The following DENND1B variants were observed in gnomAD, a reference collection of about 807,000 sequenced individuals.
DENND1B encodes DENN domain containing 1B.
In DENND1B, 59 loss-of-function variants were observed where a neutral mutation model predicts 90.1. That is an observed-to-expected ratio of 0.65 (90% confidence interval 0.53 to 0.81). The LOEUF is 0.81. DENND1B is among the 40% of genes least tolerant of loss of function. The pLI, the probability that DENND1B is intolerant of heterozygous loss-of-function variation, is 0.00. For missense variants in DENND1B, 862 were observed against 912.6 expected (o/e 0.94, Z 0.71); for synonymous variants, 337 against 324.6 (o/e 1.04, Z -0.41).
At chr1:197,745,463 G>A (rs1008363940) in intron 2 of DENND1B, among the ~76,000 whole-genome samples, 3 of 152,028 alleles carry the variant, frequency 2.0e-5, no homozygotes, top group South Asian at 4.2e-4. Context: ...GAGAGATGGG[G>A]CAACAGCTGG....
chr1:197,627,232 G>A (rs1166171105), intron 10 of DENND1B, among the ~76,000 whole-genome samples: 1 of 151,972 alleles, frequency 6.6e-6, no homozygotes, highest in Non-Finnish European at 1.5e-5. Context: ...CGAAAAAAGA[G>A]AATTTTAGAC....
At chr1:197,714,165 A>T (rs1278779881) in intron 3 of DENND1B, among the ~76,000 whole-genome samples, 1 of 151,074 alleles carries the variant, frequency 6.6e-6, no homozygotes, top group East Asian at 2.0e-4. Context: ...AGCAGAGACG[A>T]GGTTTCACCA....
intron 20 of DENND1B, among the ~76,000 whole-genome samples, chr1:197,515,474 A>G (rs1668331417): frequency 6.6e-6 from 1 of 151,772 alleles, no homozygotes; most frequent in African/African-American, 2.4e-5. Context: ...AAGACAAGCC[A>G]TTAGTATTAC....
chr1:197,690,892 T>A (rs1424852976), intron 3 of DENND1B, among the ~76,000 whole-genome samples: 1 of 151,754 alleles, frequency 6.6e-6, no homozygotes, highest in African/African-American at 2.4e-5. Context: ...AAAAAATCTG[T>A]CATAGAACTT....
intron 2 of DENND1B, among the ~76,000 whole-genome samples, chr1:197,716,876 C>T (rs926784197): frequency 4.6e-5 from 7 of 151,960 alleles, no homozygotes; most frequent in Non-Finnish European, 8.8e-5. Context: ...GAATAGCTTA[C>T]AGTTTGCCCT....
chr1:197,599,343 C>G (rs1220471441), intron 13 of DENND1B, among the ~76,000 whole-genome samples: 2 of 151,568 alleles, frequency 1.3e-5, no homozygotes, highest in Non-Finnish European at 2.9e-5. Flanking sequence ...AACTGCTATA[C>G]CTAGAAATTT....
At chr1:197,645,867 A>G in intron 8 of DENND1B, 124 bp from the exon 9 acceptor site, 1 of 543,186 alleles carries the variant, frequency 1.8e-6, no homozygotes, top group African/African-American at 2.0e-5. Context: ...GACATTCAGG[A>G]TTTGTTGAAT....
Position 197,775,132 on chromosome 1 carries a change from CA to C in DENND1B, c.17+6del. 2.3e-6 allele frequency: 3 copies of C among 1,292,044 alleles called. No individual in the cohort carries two copies. Among genetic ancestry groups the C allele is most frequent in the Non-Finnish European group, 3.0e-6 (3 of 1,009,066 alleles). The allele number at this position is 1,292,044 out of a possible 1,614,324, so 80.0% of individuals were successfully genotyped here. A position where few individuals can be genotyped will look rare whatever the true frequency, so the allele number is the denominator to read the frequency against. ...CGCCCCCGACGCGCCCGGGCCCCCC[CA>C]CTCACTTGGTCCTGCAGTCCATGGT... On this transcript the variant is annotated splice_donor_region_variant and intron_variant, in intron 1 of 22. Coordinates refer to ENST00000620048, the MANE Select transcript of DENND1B (RefSeq NM_001195215.2).
chr1:197,587,404 A>G (rs908982711), intron 14 of DENND1B, among the ~76,000 whole-genome samples: 33 of 152,312 alleles, frequency 2.2e-4, no homozygotes, highest in African/African-American at 7.2e-4. Context: ...GATGGGGCAA[A>G]AAGAAAGGAA....
chr1:197,514,533 T>A (rs1668265170), intron 20 of DENND1B, among the ~76,000 whole-genome samples: 1 of 151,632 alleles, frequency 6.6e-6, no homozygotes, highest in Non-Finnish European at 1.5e-5. Context: ...TATTCCCAGA[T>A]TAAATGATAT....
At chr1:197,734,999 T>C (rs1035943516) in intron 2 of DENND1B, 2 of 985,712 alleles carry the variant, frequency 2.0e-6, no homozygotes, top group East Asian at 2.3e-4. Flanking sequence ...AAGTAAGAAC[T>C]GGCAGAAAAT....
At chr1:197,713,925 T>TATATACATATATATGCATATAAA (rs1660346529) in intron 3 of DENND1B, among the ~76,000 whole-genome samples, 1 of 137,106 alleles carries the variant, frequency 7.3e-6, no homozygotes, top group African/African-American at 2.7e-5. Context: ...ATGCATATAA[T>TATATACATATATATGCATATAAA]ATATACATAT....
intron 15 of DENND1B, among the ~76,000 whole-genome samples, chr1:197,574,058 C>T (rs1673423784): frequency 6.6e-6 from 1 of 152,164 alleles, no homozygotes; most frequent in Non-Finnish European, 1.5e-5. Context: ...TGCCCTCTCT[C>T]CTATTCAACA....
chr1:197,661,465 A>T (rs1004455477), intron 5 of DENND1B, among the ~76,000 whole-genome samples: 2 of 152,082 alleles, frequency 1.3e-5, no homozygotes, highest in African/African-American at 4.8e-5. Flanking sequence ...TGTGTCATGT[A>T]GTTCAGACCT....
At chr1:197,589,968 T>C (rs2125792340) in intron 14 of DENND1B, among the ~76,000 whole-genome samples, 1 of 152,308 alleles carries the variant, frequency 6.6e-6, no homozygotes, top group South Asian at 2.1e-4. Flanking sequence ...TCTTCAGCAT[T>C]AGCTGTTATT....
Position 197,748,350 on chromosome 1 carries a change from T to A in DENND1B, c.82+24518A>T, listed in dbSNP as rs1464692465. ...AGATATTAGAATTACCAAAGAAGAA[T>A]TTTTAAAAAGAGTTATGCAGTAGGC... On this transcript the variant is annotated intron_variant, in intron 2 of 22. Coordinates refer to ENST00000620048, the MANE Select transcript of DENND1B (RefSeq NM_001195215.2). 2.3e-4 allele frequency among the ~76,000 whole-genome samples: 35 copies of A among 152,202 alleles called. No homozygotes were observed. In the East Asian group the frequency reaches 6.8e-3, roughly 29 times the overall value.
intron 20 of DENND1B, 27 bp downstream of exon 20, chr1:197,539,937 G>T: frequency 1.4e-6 from 2 of 1,469,662 alleles, no homozygotes; most frequent in Non-Finnish European, 9.5e-7. Context: ...GAATGTGGGG[G>T]AATGAAGGGT....
Position 197,544,278 on chromosome 1 carries a change from G to T in DENND1B, c.1350+1644C>A, listed in dbSNP as rs1670553658. Among the ~76,000 whole-genome samples the T allele has an allele frequency of 1.3e-5, 2 of 152,116 alleles. 1 individual carries two copies. The highest frequency in any genetic ancestry group is 4.1e-4 in the South Asian group (2 of 4,830). ...GAACTAAGTCCTGTAAAATGAACTG[G>T]TGTTGACTAGGTGGATAAAGGCCAA... On this transcript the variant is annotated intron_variant, in intron 18 of 22. Transcript: ENST00000620048.
At chr1:197,751,888 G>A (rs12725134) in intron 2 of DENND1B, among the ~76,000 whole-genome samples, 1 of 144,678 alleles carries the variant, frequency 6.9e-6, no homozygotes, top group Non-Finnish European at 1.5e-5. Context: ...GGAGGAGGAG[G>A]GAGGAGGAGG....
Sources: allele counts gnomAD v4.1 joint callset (sites outside exome capture counted in the v4.1 genomes callset), GRCh38; gene constraint gnomAD v4.1.1; transcripts MANE v1.5; gene names NCBI Gene and HGNC (gene_info 2026-07-23, HGNC 2026-07-21).